ARHGAP42: variants seen among roughly 807,000 people sequenced by gnomAD.
ARHGAP42 encodes Rho GTPase activating protein 42.
Under a neutral mutation model 125.0 loss-of-function variants are expected in ARHGAP42, and 63 were observed. The observed-to-expected ratio is 0.50, with a 90% confidence interval of 0.41 to 0.62. The LOEUF (loss-of-function observed/expected upper bound fraction) is 0.62, where lower values mean the gene tolerates loss of function less well. Among genes scored for constraint, ARHGAP42 ranks in the 20% least tolerant of loss-of-function variants. The pLI, the probability that ARHGAP42 is intolerant of heterozygous loss-of-function variation, is 0.00. For missense variants in ARHGAP42, 766 were observed against 1,024.2 expected (o/e 0.75, Z 3.44); for synonymous variants, 339 against 351.0 (o/e 0.97, Z 0.38).
chr11:100,742,217 T>C (rs1327656141), intron 1 of ARHGAP42, among the ~76,000 whole-genome samples: 1 of 152,236 alleles, frequency 6.6e-6, no homozygotes, highest in East Asian at 1.9e-4. Context: ...TTTTTGTGTG[T>C]AATTTATACA....
At chr11:100,876,271 A>G (rs1202057898) in intron 4 of ARHGAP42, among the ~76,000 whole-genome samples, 2 of 152,240 alleles carry the variant, frequency 1.3e-5, no homozygotes, top group Non-Finnish European at 2.9e-5. Context: ...TTTTATTTTC[A>G]TGGAAACCTT....
chr11:100,958,520 TAC>T (rs5794085), intron 12 of ARHGAP42, among the ~76,000 whole-genome samples: 89,910 of 151,374 alleles, frequency 0.59, 27,570 homozygotes, highest in African/African-American at 0.7. Flanking sequence ...ACTAAACACA[TAC>T]ACACACACAC....
chr11:100,873,598 T>A (rs1287022860), intron 4 of ARHGAP42, among the ~76,000 whole-genome samples: 1 of 152,206 alleles, frequency 6.6e-6, no homozygotes, highest in Non-Finnish European at 1.5e-5. Context: ...CACATCCAGT[T>A]TTTTGTTTAA....
At chr11:100,748,272 G>A (rs1040054508) in intron 1 of ARHGAP42, among the ~76,000 whole-genome samples, 4 of 152,258 alleles carry the variant, frequency 2.6e-5, no homozygotes, top group South Asian at 2.1e-4. Flanking sequence ...CAAACAGCTC[G>A]CAGGTTTGAG....
intron 1 of ARHGAP42, among the ~76,000 whole-genome samples, chr11:100,757,057 T>A (rs1037887822): frequency 1.3e-5 from 2 of 152,178 alleles, no homozygotes; most frequent in Non-Finnish European, 2.9e-5. Flanking sequence ...TCCATGTAAA[T>A]ATATAATACA....
intron 3 of ARHGAP42, among the ~76,000 whole-genome samples, chr11:100,806,997 G>A (rs1184481468): frequency 1.3e-5 from 2 of 151,588 alleles, no homozygotes; most frequent in South Asian, 2.1e-4. Context: ...ATAGCTGCCC[G>A]CCACCACGCC....
intron 3 of ARHGAP42, among the ~76,000 whole-genome samples, chr11:100,837,464 G>A (rs1864817980): frequency 6.6e-6 from 1 of 151,964 alleles, no homozygotes; most frequent in Admixed American, 6.6e-5. Context: ...AGATCACAGT[G>A]TAAGTATAAA....
In ARHGAP42 at chr11:100,725,620, A is replaced by T. The variant is rs536704071; in HGVS notation, c.154+37788A>T. Among the ~76,000 whole-genome samples, 626 of 137,094 alleles carry T rather than the reference A, an allele frequency of 4.6e-3. 3 individuals carry two copies. The highest frequency in any genetic ancestry group is 7.0e-3 in the Non-Finnish European group (453 of 64,972). The allele number at this position is 137,094 out of a possible 152,430, so 89.9% of individuals were successfully genotyped here. On this transcript the variant is annotated intron_variant, in intron 1 of 23. Coordinates refer to ENST00000298815, the MANE Select transcript of ARHGAP42 (RefSeq NM_152432.4). ...GGGCAACTGTATCTACCAAAAATTT[A>T]AAAAAACAAAAATAATAATAAAAAA...
At chr11:100,807,491 C>T (rs749010154) in intron 3 of ARHGAP42, among the ~76,000 whole-genome samples, 5 of 152,172 alleles carry the variant, frequency 3.3e-5, no homozygotes, top group Admixed American at 6.5e-5. Flanking sequence ...CCACCGGGTC[C>T]GGCCTTTTTA....
chr11:100,863,654 T>A (rs1009161269), intron 4 of ARHGAP42, among the ~76,000 whole-genome samples: 2 of 152,156 alleles, frequency 1.3e-5, no homozygotes, highest in African/African-American at 4.8e-5. Context: ...AGGAAATGGG[T>A]TCTGCTGTTT....
rs1858771793 is a variant in ARHGAP42, at chr11:100,989,370, G to A, written c.*569G>A. On this transcript the variant is annotated 3_prime_UTR_variant, in exon 24 of 24. Coordinates refer to ENST00000298815, the MANE Select transcript of ARHGAP42 (RefSeq NM_152432.4). ...TCCAAGTAGATGATAATATTCAAAA[G>A]CAATAATGTATATGATATCTATAAA... 1 of 364,870 alleles carries A rather than the reference G, an allele frequency of 2.7e-6. No homozygotes were observed. The highest frequency in any genetic ancestry group is 4.6e-5 in the Admixed American group (1 of 21,816). 22.6% of individuals were successfully genotyped at this position (364,870 alleles called of 1,614,324 possible). A position where few individuals can be genotyped will look rare whatever the true frequency, so the allele number is the denominator to read the frequency against.
Position 100,992,243 on chromosome 11 carries a change from G to T in ARHGAP42, c.*3442G>T. On this transcript the variant is annotated 3_prime_UTR_variant, in exon 24 of 24. Coordinates refer to ENST00000298815, the MANE Select transcript of ARHGAP42 (RefSeq NM_152432.4). ...TATACTTTGACTAAAGTCAGAGGCAGACCAATTTAGGGAACAGATTTTGTT... is the reference window on the plus strand; with the variant it reads ...TATACTTTGACTAAAGTCAGAGGCATACCAATTTAGGGAACAGATTTTGTT... 1 of 1,518,686 alleles carries T rather than the reference G, an allele frequency of 6.6e-7. No homozygotes were observed. The highest frequency in any genetic ancestry group is 8.8e-7 in the Non-Finnish European group (1 of 1,135,476). 94.1% of individuals were successfully genotyped at this position (1,518,686 alleles called of 1,614,324 possible).
chr11:100,755,701 G>A (rs957667437), intron 1 of ARHGAP42, among the ~76,000 whole-genome samples: 1 of 152,200 alleles, frequency 6.6e-6, no homozygotes, highest in Non-Finnish European at 1.5e-5. Flanking sequence ...GTAGTAAGTT[G>A]AAGATATCAG....
intron 3 of ARHGAP42, among the ~76,000 whole-genome samples, chr11:100,840,195 C>T (rs2135110545): frequency 6.6e-6 from 1 of 152,250 alleles, no homozygotes; most frequent in African/African-American, 2.4e-5. Flanking sequence ...TCTACATTTC[C>T]TGCAAATGAT....
chr11:100,859,460 A>G (rs1865394293), intron 3 of ARHGAP42, 94 bp from the exon 4 acceptor site: 3 of 1,007,546 alleles, frequency 3.0e-6, no homozygotes, highest in Non-Finnish European at 2.9e-6. Context: ...AAACAAAAAC[A>G]GTCTATTTGA....
intron 2 of ARHGAP42, among the ~76,000 whole-genome samples, chr11:100,773,246 CAGAT>C (rs1824155523): frequency 6.6e-6 from 1 of 152,186 alleles, no homozygotes; most frequent in African/African-American, 2.4e-5. Context: ...AGTAGACCCT[CAGAT>C]AAATTGTTCA....
intron 2 of ARHGAP42, among the ~76,000 whole-genome samples, chr11:100,774,394 C>G (rs1310297159): frequency 6.6e-6 from 1 of 152,118 alleles, no homozygotes; most frequent in Admixed American, 6.5e-5. Flanking sequence ...CTTTATTGCT[C>G]TGATTTAATG....
intron 2 of ARHGAP42, among the ~76,000 whole-genome samples, chr11:100,789,277 T>G (rs1025183080): frequency 3.3e-5 from 5 of 152,230 alleles, no homozygotes; most frequent in African/African-American, 1.2e-4. Flanking sequence ...CTATAGATTT[T>G]TAAGTTTTCC....
intron 1 of ARHGAP42, among the ~76,000 whole-genome samples, chr11:100,699,504 ATATTTTTTTTTTTTTT>A (rs1180291324): frequency 2.7e-4 from 9 of 33,556 alleles, no homozygotes; most frequent in South Asian, 3.8e-3. Flanking sequence ...ATATATATAT[ATATTTTTTTTTTTTTT>A]TTTTTTTTTT....
Sources: allele counts gnomAD v4.1 joint callset (sites outside exome capture counted in the v4.1 genomes callset), GRCh38; gene constraint gnomAD v4.1.1; transcripts MANE v1.5; gene names NCBI Gene and HGNC (gene_info 2026-07-23, HGNC 2026-07-21).